Variants in PLXNA4 observed in about 807,000 individuals in gnomAD.
The protein encoded by PLXNA4 is plexin A4, also known as plexin-A4.
Under a neutral mutation model 191.8 loss-of-function variants are expected in PLXNA4, and 44 were observed. The ratio of observed to expected loss-of-function variants is 0.23; its 90% CI spans 0.18 to 0.29. The LOEUF is 0.29. Among genes scored for constraint, PLXNA4 ranks in the 10% least tolerant of loss-of-function variants. PLXNA4 has a pLI of 1.00. For missense variants in PLXNA4, 1,800 were observed against 2,488.8 expected (o/e 0.72, Z 5.89); for synonymous variants, 1,082 against 1,009.5 (o/e 1.07, Z -1.36).
intron 3 of PLXNA4, among the ~76,000 whole-genome samples, chr7:132,313,097 G>C (rs1326278736): frequency 6.6e-6 from 1 of 152,158 alleles, no homozygotes; most frequent in African/African-American, 2.4e-5. Context: ...CATGGGGGTG[G>C]TCCTGAGCTC....
chr7:132,490,013 T>A (rs1440116288), intron 2 of PLXNA4, among the ~76,000 whole-genome samples: 2 of 152,110 alleles, frequency 1.3e-5, no homozygotes, highest in African/African-American at 4.8e-5. Flanking sequence ...CTGAAAACAT[T>A]AGCATGTAAG....
At position 132,189,642 on chromosome 7, in the gene PLXNA4, G is replaced by T. The variant is rs554418064; in HGVS notation, c.2857-2035C>A. ...CTTCCTGGCTGTCTCAGAACTCCAG[G>T]GGAGCTAGGGGCTTCTGTGTAGGGC... On this transcript the variant is annotated intron_variant, in intron 14 of 31. Coordinates refer to ENST00000321063, the MANE Select transcript of PLXNA4 (RefSeq NM_020911.2). 9.9e-5 allele frequency among the ~76,000 whole-genome samples: 15 copies of T among 152,280 alleles called. No individual in the cohort carries two copies. In the South Asian group the frequency reaches 3.1e-3, roughly 32 times the overall value.
chr7:132,176,619 T>TGACTGC (rs1796470831), intron 20 of PLXNA4, among the ~76,000 whole-genome samples: 2 of 148,134 alleles, frequency 1.4e-5, no homozygotes, highest in Admixed American at 6.6e-5. Context: ...TATGACTGCA[T>TGACTGC]GTGTGTGTGT....
At chr7:132,562,596 C>T (rs1585344792) in intron 1 of PLXNA4, among the ~76,000 whole-genome samples, 2 of 119,804 alleles carry the variant, frequency 1.7e-5, no homozygotes, top group Non-Finnish European at 1.7e-5. Context: ...CCTCTTTCTC[C>T]TCCTCCTCCT....
intron 3 of PLXNA4, among the ~76,000 whole-genome samples, chr7:132,423,675 C>T (rs1305404052): frequency 6.6e-6 from 1 of 152,168 alleles, no homozygotes; most frequent in East Asian, 1.9e-4. Context: ...CACAACAGCA[C>T]AGGGTTTTAA....
intron 4 of PLXNA4, among the ~76,000 whole-genome samples, chr7:132,269,423 C>T (rs576659697): frequency 2.6e-5 from 4 of 151,480 alleles, no homozygotes; most frequent in African/African-American, 7.3e-5. Context: ...TCCACCAGAC[C>T]GGTGAGCAAA....
At chr7:132,220,552 A>G (rs919730431) in intron 9 of PLXNA4, among the ~76,000 whole-genome samples, 2 of 152,118 alleles carry the variant, frequency 1.3e-5, no homozygotes, top group African/African-American at 4.8e-5. Context: ...TGGGAAATGG[A>G]GAGGATTTCA....
intron 25 of PLXNA4, among the ~76,000 whole-genome samples, chr7:132,157,677 C>A (rs1160173530): frequency 1.3e-5 from 2 of 152,224 alleles, no homozygotes; most frequent in Non-Finnish European, 2.9e-5. Flanking sequence ...CTCCTCCCAC[C>A]TGAATTGCAT....
In PLXNA4 at chr7:132,508,247, C is replaced by T; in HGVS notation, c.447G>A (p.Leu149=). ...GCTCCTTCTTATGATAAGGCTCCCCCAGCTTGAAGAGGTCCTCCAGCCTCA... is the reference window on the plus strand; with the variant it reads ...GCTCCTTCTTATGATAAGGCTCCCCTAGCTTGAAGAGGTCCTCCAGCCTCA... The part of the protein sequence containing the change: ...KLLRLEDLFK[L]GEPYHKKEHY... The change falls in exon 2 of 32, where the codon CTG becomes CTA. Residue 149 remains leucine, a synonymous_variant. Coordinates refer to ENST00000321063, the MANE Select transcript of PLXNA4 (RefSeq NM_020911.2). The surrounding 1 kb of genome is among the most constrained non-coding windows in gnomAD (Gnocchi z 4.4). The T allele has an allele frequency of 1.9e-6, 3 of 1,614,250 alleles. No homozygotes were observed. The highest frequency in any genetic ancestry group is 1.1e-5 in the South Asian group (1 of 91,086).
chr7:132,281,438 G>C (rs866144541), intron 4 of PLXNA4, among the ~76,000 whole-genome samples: 19 of 152,186 alleles, frequency 1.2e-4, no homozygotes, highest in African/African-American at 3.1e-4. Flanking sequence ...TTTAACAAAG[G>C]GGTCAAAATT....
intron 3 of PLXNA4, among the ~76,000 whole-genome samples, chr7:132,363,016 ACT>A (rs1236665507): frequency 3.9e-5 from 6 of 151,980 alleles, no homozygotes; most frequent in African/African-American, 1.5e-4. Context: ...ACGGAGTCTC[ACT>A]CTGTCGCCCA....
intron 4 of PLXNA4, among the ~76,000 whole-genome samples, chr7:132,266,688 G>A (rs1799871951): frequency 1.3e-5 from 2 of 152,192 alleles, no homozygotes; most frequent in South Asian, 4.1e-4. Flanking sequence ...GAACTTGGGT[G>A]GTTTCTCCAA....
At chr7:132,233,888 CCT>C (rs1798605306) in intron 5 of PLXNA4, among the ~76,000 whole-genome samples, 1 of 151,472 alleles carries the variant, frequency 6.6e-6, no homozygotes, top group South Asian at 2.1e-4. Flanking sequence ...GTAAAAAGGA[CCT>C]GTAAATGTTC....
At chr7:132,410,957 G>T (rs764717756) in intron 3 of PLXNA4, among the ~76,000 whole-genome samples, 4 of 152,176 alleles carry the variant, frequency 2.6e-5, no homozygotes, top group Non-Finnish European at 5.9e-5. Flanking sequence ...GTCCTCAGTA[G>T]CATCTTTTAG....
intron 3 of PLXNA4, among the ~76,000 whole-genome samples, chr7:132,337,858 C>A (rs1198575972): frequency 6.6e-6 from 1 of 152,176 alleles, no homozygotes; most frequent in Non-Finnish European, 1.5e-5. Flanking sequence ...AAAGCCACTC[C>A]CAGTAGCTGG....
At chr7:132,142,770 C>CAG (rs1271924388) in intron 29 of PLXNA4, among the ~76,000 whole-genome samples, 2 of 152,224 alleles carry the variant, frequency 1.3e-5, no homozygotes, top group Non-Finnish European at 2.9e-5. Context: ...CAGCTGGGCT[C>CAG]AGAGCCCTGA....
intron 3 of PLXNA4, among the ~76,000 whole-genome samples, chr7:132,472,345 G>C (rs897113063): frequency 1.3e-5 from 2 of 152,210 alleles, no homozygotes; most frequent in South Asian, 4.1e-4. Flanking sequence ...AGTTGCACAA[G>C]AGCATCAATT....
At chr7:132,242,438 C>A (rs997375978) in intron 4 of PLXNA4, among the ~76,000 whole-genome samples, 1 of 152,164 alleles carries the variant, frequency 6.6e-6, no homozygotes, top group East Asian at 1.9e-4. Context: ...TTGTAACTCA[C>A]GCACAGGCAA....
At chr7:132,196,791 C>T (rs1007812627) in intron 13 of PLXNA4, among the ~76,000 whole-genome samples, 1 of 152,194 alleles carries the variant, frequency 6.6e-6, no homozygotes, top group East Asian at 1.9e-4. Flanking sequence ...TCACAAACCA[C>T]TCCCTATTGT....
Sources: gnomAD v4.1 joint callset for allele counts (sites outside exome capture counted in the v4.1 genomes callset) on GRCh38, gnomAD v4.1.1 for gene constraint, Gnocchi (gnomAD v3.1) non-coding constraint, MANE v1.5 for transcripts, NCBI Gene and HGNC (gene_info 2026-07-23, HGNC 2026-07-21) for gene names.